Variants in PUM2 observed in about 807,000 individuals in gnomAD.
PUM2 encodes the protein pumilio RNA binding family member 2.
PUM2 carries 57 observed loss-of-function variants against 124.5 expected under a neutral mutation model. The ratio of observed to expected loss-of-function variants is 0.46; its 90% confidence interval spans 0.37 to 0.57. PUM2 has a LOEUF of 0.57. PUM2 is among the 20% of genes least tolerant of loss of function. The probability of loss-of-function intolerance (pLI) is 0.00; values close to 1 mark genes in which losing one functional copy is unlikely to be tolerated. For synonymous variants in PUM2, 460 were observed against 446.1 expected, an observed-to-expected ratio of 1.03 and a Z score of -0.39; for missense variants, 1,065 against 1,290.6, an observed-to-expected ratio of 0.83 and a Z score of 2.68.
At chr2:20,320,931 T>C (rs1469671380) in intron 2 of PUM2, among the ~76,000 whole-genome samples, 2 of 152,216 alleles carry the variant, frequency 1.3e-5, no homozygotes, top group Non-Finnish European at 2.9e-5. Context: ...AATGCTTTTA[T>C]CCCATACTTC....
intron 1 of PUM2, among the ~76,000 whole-genome samples, chr2:20,337,207 C>T (rs1173928814): frequency 6.6e-6 from 1 of 151,534 alleles, no homozygotes; most frequent in East Asian, 1.9e-4. Flanking sequence ...CACAAACCAA[C>T]TATAAAGACT....
chr2:20,300,787 G>GA (rs200897444), intron 7 of PUM2, among the ~76,000 whole-genome samples: 5,729 of 61,442 alleles, frequency 0.093, 184 homozygotes, highest in African/African-American at 0.18. Context: ...GATTGAAAGA[G>GA]AAAAAAAAAA....
chr2:20,315,836 C>CAAAAAAAA (rs60828412), intron 3 of PUM2, among the ~76,000 whole-genome samples: 1 of 72,352 alleles, frequency 1.4e-5, no homozygotes, highest in African/African-American at 5.7e-5. Context: ...AACCTGGTCT[C>CAAAAAAAA]AAAAAAAAAA....
At chr2:20,290,249 A>G (rs1673699868) in intron 10 of PUM2, among the ~76,000 whole-genome samples, 3 of 152,248 alleles carry the variant, frequency 2.0e-5, no homozygotes, top group African/African-American at 7.2e-5. Flanking sequence ...TCAAAGTAAG[A>G]AACATTAGCG....
rs768047887 is a variant in PUM2, at chr2:20,272,311, C to T, written c.1957+6272G>A. On this transcript the variant is annotated intron_variant, in intron 13 of 20. Coordinates refer to ENST00000361078, the MANE Select transcript of PUM2 (RefSeq NM_015317.5). ...TTACTAACTTCATGAATATAAGTCA[C>T]GTAATTTCTTTGAGAATAAAGCGTG... 4.6e-5 allele frequency among the ~76,000 whole-genome samples: 7 copies of T among 152,230 alleles called. No individual in the cohort carries two copies. In the South Asian group the frequency reaches 6.2e-4, roughly 14 times the overall value.
rs538092312 is a variant in PUM2 at position 20,251,531 on chromosome 2, C to G, written c.*54G>C. ...GAGTTGTGTTTTGATAATTCACACA[C>G]AAAAAAATTCTTTTCACATGGTTAA... is the stretch of plus-strand genomic sequence containing the variant. On this transcript the variant is annotated 3_prime_UTR_variant, in exon 21 of 21. Coordinates refer to ENST00000361078, the MANE Select transcript of PUM2 (RefSeq NM_015317.5). The G allele has an allele frequency of 8.3e-4, 1,271 of 1,534,602 alleles. 4 individuals carry two copies. Among genetic ancestry groups the G allele is most frequent in the Non-Finnish European group, 1.1e-3 (1,193 of 1,133,876 alleles).
chr2:20,263,685 T>C (rs1666853112), intron 13 of PUM2, among the ~76,000 whole-genome samples: 1 of 152,130 alleles, frequency 6.6e-6, no homozygotes. Flanking sequence ...TAAGTGTGTA[T>C]TTATTCTTCA....
intron 2 of PUM2, among the ~76,000 whole-genome samples, chr2:20,325,395 T>A (rs985176361): frequency 6.6e-6 from 1 of 152,192 alleles, no homozygotes; most frequent in Non-Finnish European, 1.5e-5. Context: ...TTAAGCTTTT[T>A]TCTTTTAACA....
rs114453985 is a variant in PUM2 at position 20,250,171 on chromosome 2, T to C, written c.*1414A>G. Reference sequence around the variant, plus strand: ...ATTATGCACAATACCCTGACTTCAATTGAAAGTGATCCAAATTCTAGCAGG... The same window carrying C: ...ATTATGCACAATACCCTGACTTCAACTGAAAGTGATCCAAATTCTAGCAGG... On this transcript the variant is annotated 3_prime_UTR_variant, in exon 21 of 21. Transcript: ENST00000361078. The C allele has an allele frequency of 2.6e-5, 4 of 152,742 alleles. No homozygotes were observed. Among genetic ancestry groups the C allele is most frequent in the East Asian group, 1.9e-4 (1 of 5,188 alleles). 9.5% of individuals were successfully genotyped at this position (152,742 alleles called of 1,614,324 possible). A position where few individuals can be genotyped will look rare whatever the true frequency, so the allele number is the denominator to read the frequency against.
chr2:20,296,851 C>T (rs1174642573), intron 8 of PUM2, among the ~76,000 whole-genome samples: 2 of 152,194 alleles, frequency 1.3e-5, no homozygotes, highest in African/African-American at 4.8e-5. Context: ...GATCAGCACA[C>T]AACTTTTCCT....
chr2:20,349,518 G>GTT (rs761971122), intron 1 of PUM2, among the ~76,000 whole-genome samples: 12 of 142,116 alleles, frequency 8.4e-5, no homozygotes, highest in African/African-American at 2.6e-4. Context: ...ACTCATTTTT[G>GTT]TTTTTTTTTT....
rs750165082 is a variant in PUM2, at chr2:20,256,039, C to T, written c.2616G>A (p.Lys872=). ...QSLQFIIDAF[K]GQVFVLSTHP... ...AGCCAAAACTCAAACATACTTGTCC[C>T]TTGAAAGCATCAATGATGAACTGTA... is the stretch of plus-strand genomic sequence containing the variant. The change falls in exon 17 of 21, where the codon AAG becomes AAA. Residue 872 remains lysine, a synonymous_variant. Coordinates refer to ENST00000361078, the MANE Select transcript of PUM2 (RefSeq NM_015317.5). 3.8e-6 allele frequency: 6 copies of T among 1,558,778 alleles called. No homozygotes were observed. In the African/African-American group the frequency reaches 4.2e-5, roughly 11 times the overall value.
chr2:20,254,014 G>C lies in PUM2; in HGVS notation c.2871C>G (p.Ser957Arg). ...VLALSQHKFA[S>R]NVVEKCVTHA... ...GAGTAACACACTTTTCTACTACATT[G>C]CTAAAAATTAAAGCAGATAAACAAA... Residue 957 changes from serine to arginine, a missense_variant and splice_region_variant, in exon 20 of 21, where the codon AGC becomes AGG. By Grantham distance (110) the Ser-to-Arg change is moderately radical. This residue lies in a region of PUM2 where 968 missense variants were observed against 1,159.8 expected (regional missense o/e 0.83). Coordinates refer to ENST00000361078, the MANE Select transcript of PUM2 (RefSeq NM_015317.5). 6.3e-7 allele frequency: 1 copy of C among 1,597,330 alleles called. No homozygotes were observed. Among genetic ancestry groups the C allele is most frequent in the Non-Finnish European group, 8.5e-7 (1 of 1,174,410 alleles).
intron 1 of PUM2, among the ~76,000 whole-genome samples, chr2:20,339,256 C>G (rs1686740076): frequency 6.6e-6 from 1 of 151,692 alleles, no homozygotes; most frequent in Admixed American, 6.6e-5. Flanking sequence ...TGGTACATAT[C>G]TGTAATCTCA....
rs749995601 is a variant in PUM2, at chr2:20,263,309, C to G, written c.2109G>C (p.Met703Ile). 3 of 1,614,070 alleles carry G rather than the reference C, an allele frequency of 1.9e-6. No homozygotes were observed. In the South Asian group the frequency reaches 3.3e-5, roughly 18 times the overall value. Residue 703 changes from methionine (M) to isoleucine (I), a missense_variant, in exon 14 of 21, where the codon ATG (methionine) becomes ATC (isoleucine). Met to Ile is a conservative substitution (Grantham distance 10, BLOSUM62 1). Around this residue, in one of 3 missense-constraint regions of PUM2, gnomAD observed 968 missense variants for 1,159.8 expected, o/e 0.83. Transcript: ENST00000361078. ...SRLRYNRSDI[M>I]PSGRSRLLED... ...CCAATAATCTACTGCGGCCAGAAGG[C>G]ATAATATCAGACCTATTATACCGAA...
chr2:20,327,403 T>C (rs746490888), intron 1 of PUM2, 25 bp from the exon 2 acceptor site: 21 of 1,417,346 alleles, frequency 1.5e-5, no homozygotes, highest in African/African-American at 2.9e-5. Context: ...AAACAAAAAT[T>C]AGTACAAAGA....
At chr2:20,345,955 TC>T (rs1209605369) in intron 1 of PUM2, among the ~76,000 whole-genome samples, 1 of 152,198 alleles carries the variant, frequency 6.6e-6, no homozygotes, top group Non-Finnish European at 1.5e-5. Flanking sequence ...ATGTCCATAC[TC>T]CATGAATATT....
intron 13 of PUM2, among the ~76,000 whole-genome samples, chr2:20,276,698 T>G (rs1223270304): frequency 1.3e-5 from 2 of 152,088 alleles, no homozygotes; most frequent in Admixed American, 1.3e-4. Flanking sequence ...AAAGAAAATT[T>G]ATGAAATCCT....
intron 13 of PUM2, among the ~76,000 whole-genome samples, chr2:20,268,641 A>AT (rs1558508936): frequency 2.7e-5 from 4 of 150,242 alleles, no homozygotes; most frequent in Admixed American, 6.7e-5. Context: ...AAACAAACAA[A>AT]ATATATATAT....
Sources: gnomAD v4.1 joint callset for allele counts (sites outside exome capture counted in the v4.1 genomes callset) on GRCh38, gnomAD v4.1.1 for gene constraint, gnomAD v4.1.1 regional missense constraint, MANE v1.5 for transcripts, NCBI Gene and HGNC (gene_info 2026-07-23, HGNC 2026-07-21) for gene names.